USP36: variants seen among roughly 807,000 people sequenced by gnomAD.
USP36 encodes the protein ubiquitin carboxyl-terminal hydrolase 36.
Under a neutral mutation model 111.5 loss-of-function variants are expected in USP36, and 59 were observed. The observed-to-expected ratio is 0.53, with a 90% CI of 0.43 to 0.66. The LOEUF (loss-of-function observed/expected upper bound fraction) is 0.66. USP36 is among the 30% of genes least tolerant of loss of function. The pLI is 0.00. For missense variants in USP36, 1,488 were observed against 1,468.0 expected (o/e 1.01, Z -0.22); for synonymous variants, 628 against 581.0 (o/e 1.08, Z -1.16).
Position 78,836,221 on chromosome 17 carries a change from C to G in USP36, c.143G>C (p.Ser48Thr). 6.2e-7 allele frequency: 1 copy of G among 1,614,146 alleles called. No individual in the cohort carries two copies. The highest frequency in any genetic ancestry group is 8.5e-7 in the Non-Finnish European group (1 of 1,180,024). ...TAAGGCCTCCAGCTGGTAGGAGAAG[C>G]TCTTGCTGGCTGGCTCGAACTCGAT... ...QKIEFEPASK[S>T]FSYQLEALKS... Residue 48 changes from serine (S) to threonine (T), a missense_variant, in exon 3 of 21, where the codon AGC (serine) becomes ACC (threonine). By Grantham distance (58) the Ser-to-Thr change is moderately conservative. Coordinates refer to ENST00000449938, the MANE Select transcript of USP36 (RefSeq NM_001385174.1).
chr17:78,799,165 A>C (rs117885497), intron 18 of USP36, 142 bp from the exon 19 acceptor site: 14,027 of 817,816 alleles, frequency 0.017, 178 homozygotes, highest in Middle Eastern at 0.023. Context: ...GAGAAGGACA[A>C]GAGGAGGACG....
chr17:78,813,654 A>G (rs988635049), intron 12 of USP36, 119 bp downstream of exon 12: 30 of 870,900 alleles, frequency 3.4e-5, no homozygotes, highest in Non-Finnish European at 5.3e-5. Context: ...ATGACACATG[A>G]CAAATCCCTC....
In USP36 at chr17:78,822,168, C is replaced by G. The variant is rs537377560; in HGVS notation, c.690-164G>C. 2.0e-4 allele frequency among the ~76,000 whole-genome samples: 30 copies of G among 152,300 alleles called. No homozygotes were observed. The East Asian group carries it at 4.2e-3, about 22-fold the overall frequency. The stretch of plus-strand genomic sequence containing the variant: ...CAGACCCTTAACCTCCATCCTCAGC[C>G]CACGCTGCCTGGCAGTCTCTCTGCA... On this transcript the variant is annotated intron_variant, in intron 6 of 20. Coordinates refer to ENST00000449938, the MANE Select transcript of USP36 (RefSeq NM_001385174.1).
In USP36 at chr17:78,807,250, C is replaced by A; in HGVS notation, c.1794G>T (p.Gly598=). 6.2e-7 allele frequency: 1 copy of A among 1,614,114 alleles called. No individual in the cohort carries two copies. The highest frequency in any genetic ancestry group is 8.5e-7 in the Non-Finnish European group (1 of 1,179,996). The part of the protein sequence containing the change: ...TATANGHGLK[G]NDESAGLDRR... ...TGTCGAGGCCAGCGCTCTCGTCGTT[C>A]CCCTTCAGCCCATGCCCGTTGGCAG... Residue 598 remains glycine, a synonymous_variant, in exon 14 of 21, where the codon GGG becomes GGT. Coordinates refer to ENST00000449938, the MANE Select transcript of USP36 (RefSeq NM_001385174.1).
upstream of USP36, chr17:78,841,385 T>A (rs560507814): frequency 6.6e-6 from 1 of 152,224 alleles, no homozygotes; most frequent in Non-Finnish European, 1.5e-5. Context: ...GAGGGAGGGA[T>A]CTGGGAGCGA....
At chr17:78,799,896 TTTTTTTTTTA>T in intron 17 of USP36, 128 bp from the exon 18 acceptor site, 2 of 643,348 alleles carry the variant, frequency 3.1e-6, no homozygotes, top group African/African-American at 2.4e-5. Flanking sequence ...TTTTTTTTTT[TTTTTTTTTTA>T]AAGACAGGGT....
intron 10 of USP36, 118 bp downstream of exon 10, chr17:78,818,549 C>G: frequency 1.2e-6 from 1 of 845,214 alleles, no homozygotes. Flanking sequence ...ACCTTTAGAA[C>G]AGGGACAGGT....
At chr17:78,791,541 G>A (rs1326686320), downstream of USP36, among the ~76,000 whole-genome samples, 1 of 152,188 alleles carries the variant, frequency 6.6e-6, no homozygotes, top group South Asian at 2.1e-4. Flanking sequence ...TGAAGCAACA[G>A]TTTGGTACAG....
At chr17:78,840,240 C>G (rs1336782294) in intron 1 of USP36, 1 of 152,556 alleles carries the variant, frequency 6.6e-6, no homozygotes, top group African/African-American at 2.4e-5. Flanking sequence ...CCCAGGACCC[C>G]CACGCCACCC....
chr17:78,812,075 T>C (rs1253698430), intron 13 of USP36, among the ~76,000 whole-genome samples: 1 of 151,894 alleles, frequency 6.6e-6, no homozygotes, highest in Non-Finnish European at 1.5e-5. Flanking sequence ...TAGTCCCGAA[T>C]ACTAGGGATG....
At chr17:78,822,391 CT>C (rs1211482925) in intron 6 of USP36, among the ~76,000 whole-genome samples, 1 of 152,206 alleles carries the variant, frequency 6.6e-6, no homozygotes, top group Non-Finnish European at 1.5e-5. Flanking sequence ...AAACATCCCC[CT>C]GAGCTAGGGC....
chr17:78,815,233 G>A (rs2094151789), intron 10 of USP36, among the ~76,000 whole-genome samples: 1 of 152,086 alleles, frequency 6.6e-6, no homozygotes, highest in African/African-American at 2.4e-5. Flanking sequence ...TCAGGAGGCT[G>A]AGGCAGGAGA....
At chr17:78,815,840 C>T (rs1332955340) in intron 10 of USP36, among the ~76,000 whole-genome samples, 1 of 124,308 alleles carries the variant, frequency 8.0e-6, no homozygotes, top group South Asian at 2.2e-4. Flanking sequence ...TATATACATA[C>T]ACACACACAT....
chr17:78,835,510 G>C lies in USP36; in HGVS notation c.254-9C>G. 1 of 1,585,116 alleles carries C rather than the reference G, an allele frequency of 6.3e-7. No homozygotes were observed. The highest frequency in any genetic ancestry group is 8.6e-7 in the Non-Finnish European group (1 of 1,164,776). The stretch of plus-strand genomic sequence containing the variant: ...ATACGTGTGCTCACTGCCTGAGGAA[G>C]AAAGGGACAAGGGAAGAAAAGAGGA... On this transcript the variant is annotated splice_polypyrimidine_tract_variant and intron_variant, in intron 3 of 20. Coordinates refer to ENST00000449938, the MANE Select transcript of USP36 (RefSeq NM_001385174.1).
chr17:78,790,507 G>A (rs978371515), intron 3 of USP36, among the ~76,000 whole-genome samples: 1 of 152,030 alleles, frequency 6.6e-6, no homozygotes, highest in Non-Finnish European at 1.5e-5. Flanking sequence ...TAGCCAGGCT[G>A]GTTTTGAACT....
In USP36 at chr17:78,802,355, G is replaced by A. The variant is rs368705721; in HGVS notation, c.2991C>T (p.Ser997=). ...GGTCCCCAGGACACCAGCCATTCGCGGATGGTGCGCAGCTGCTGGACTCGG... is the reference window on the plus strand; with the variant it reads ...GGTCCCCAGGACACCAGCCATTCGCAGATGGTGCGCAGCTGCTGGACTCGG... ...VVPESSSCAP[S]ANGWCPGDRM... The change falls in exon 17 of 21, where the codon TCC becomes TCT. Residue 997 remains serine (S), a synonymous_variant. Coordinates refer to ENST00000449938, the MANE Select transcript of USP36 (RefSeq NM_001385174.1). 1,115 of 1,597,654 alleles carry A rather than the reference G, an allele frequency of 7.0e-4. 15 individuals are homozygous for A. The South Asian group carries it at 7.0e-3, about 10-fold the overall frequency.
rs2144868777 is a variant in USP36, at chr17:78,796,427, C to T, written c.*1473G>A. On this transcript the variant is annotated 3_prime_UTR_variant, in exon 21 of 21. Transcript: ENST00000449938. ...GAGACTGGTCCGCAGGAGAGGGCAC[C>T]CTGAGCAGCTCCACTCACTGCTGCT... The T allele has an allele frequency of 1.3e-5, 2 of 152,292 alleles. No homozygotes were observed. Among genetic ancestry groups the T allele is most frequent in the Non-Finnish European group, 2.9e-5 (2 of 68,040 alleles). 9.4% of individuals were successfully genotyped at this position (152,292 alleles called of 1,614,324 possible).
At position 78,806,246 on chromosome 17, in the gene USP36, G is replaced by A; in HGVS notation, c.2126C>T (p.Pro709Leu). 1.9e-6 allele frequency: 3 copies of A among 1,613,820 alleles called. No individual in the cohort carries two copies. The highest frequency in any genetic ancestry group is 2.5e-6 in the Non-Finnish European group (3 of 1,180,000). The change falls in exon 15 of 21, where the codon CCA becomes CTA. Residue 709 changes from proline to leucine, a missense_variant. This residue lies in a region of USP36 where 1,073 missense variants were observed against 994.1 expected (regional missense o/e 1.08). Transcript: ENST00000449938. ...GTCGGAGGATGGTGAGGGGGGAGGT[G>A]GACGGAGGTCATTGCCGGTCGCCCT... ...LWRATGNDLR[P>L]PPPSPSSDLT...
At chr17:78,831,834 A>G (rs2068145279) in intron 4 of USP36, among the ~76,000 whole-genome samples, 1 of 151,342 alleles carries the variant, frequency 6.6e-6, no homozygotes, top group Non-Finnish European at 1.5e-5. Context: ...CTATAGTGCC[A>G]GCTACTTGGG....
Sources: allele counts gnomAD v4.1 joint callset (sites outside exome capture counted in the v4.1 genomes callset), GRCh38; gene constraint gnomAD v4.1.1; regional missense constraint gnomAD v4.1.1; transcripts MANE v1.5; gene names NCBI Gene and HGNC (gene_info 2026-07-23, HGNC 2026-07-21).